Variants in APCDD1 observed in about 807,000 individuals in gnomAD.
APCDD1 encodes protein APCDD1.
APCDD1 carries 15 observed loss-of-function variants against 38.1 expected under a neutral mutation model. The observed-to-expected ratio is 0.39, with a 90% CI of 0.26 to 0.61. APCDD1 has a LOEUF of 0.61. Among genes scored for constraint, APCDD1 ranks in the 20% least tolerant of loss-of-function variants. APCDD1 has a pLI of 0.49. For missense variants in APCDD1, 647 were observed against 696.2 expected, an observed-to-expected ratio of 0.93 and a Z score of 0.79; for synonymous variants, 261 against 279.7, an observed-to-expected ratio of 0.93 and a Z score of 0.67.
chr18:10,460,573 T>C (rs1353658265), intron 1 of APCDD1, among the ~76,000 whole-genome samples: 1 of 152,014 alleles, frequency 6.6e-6, no homozygotes, highest in East Asian at 1.9e-4. Flanking sequence ...AAAAAAACTT[T>C]ATTGAAAAAT....
intron 1 of APCDD1, among the ~76,000 whole-genome samples, chr18:10,455,345 T>A (rs1286913333): frequency 6.6e-6 from 1 of 152,234 alleles, no homozygotes; most frequent in Non-Finnish European, 1.5e-5. Flanking sequence ...TTGCATCCAG[T>A]CCGAGGGAAA....
chr18:10,481,474 A>G (rs569084511), intron 3 of APCDD1, among the ~76,000 whole-genome samples: 1 of 152,262 alleles, frequency 6.6e-6, no homozygotes, highest in South Asian at 2.1e-4. Context: ...CAGATGAGGC[A>G]CCTAGAATAG....
At position 10,476,903 on chromosome 18, in the gene APCDD1, T is replaced by C. The variant is rs768109349; in HGVS notation, c.774+4842T>C. ...CTGGAGCCAGCATATGTTTTTGAGG[T>C]AGCTTGCCTCTCAGAGGCTTTTTAG... On this transcript the variant is annotated intron_variant, in intron 3 of 4. Coordinates refer to ENST00000355285, the MANE Select transcript of APCDD1 (RefSeq NM_153000.5). This position sits in a 1 kb window ranked among gnomAD's most constrained non-coding sequence, Gnocchi z 5.8. The C allele has an allele frequency of 2.6e-5, 4 of 152,194 alleles. No individual in the cohort carries two copies. Among genetic ancestry groups the C allele is most frequent in the Non-Finnish European group, 4.4e-5 (3 of 68,026 alleles). 9.4% of individuals were successfully genotyped at this position (152,194 alleles called of 1,614,324 possible).
chr18:10,454,816 C>A lies in APCDD1; in HGVS notation c.-166C>A. 1.0e-6 allele frequency: 1 copy of A among 986,152 alleles called. No homozygotes were observed. Among genetic ancestry groups the A allele is most frequent in the Non-Finnish European group, 1.2e-6 (1 of 832,116 alleles). The allele number at this position is 986,152 out of a possible 1,614,324, so 61.1% of individuals were successfully genotyped here. Reference sequence around the variant, plus strand: ...GACGGCGCCCAGAGAGCGCGCGCCCCGCAGCCCCGCGCCTAGCCCGCCGGG... The same window carrying A: ...GACGGCGCCCAGAGAGCGCGCGCCCAGCAGCCCCGCGCCTAGCCCGCCGGG... On this transcript the variant is annotated 5_prime_UTR_variant, in exon 1 of 5. Coordinates refer to ENST00000355285, the MANE Select transcript of APCDD1 (RefSeq NM_153000.5).
rs1031584830 is a variant in APCDD1, at chr18:10,455,049, C to G, written c.58+10C>G. ...GCCCTCCTGCTTCACGGTGAGTTCC[C>G]GAGGGCCACTCGAGCGCTCCCAGCC... On this transcript the variant is annotated intron_variant, in intron 1 of 4. Coordinates refer to ENST00000355285, the MANE Select transcript of APCDD1 (RefSeq NM_153000.5). The G allele has an allele frequency of 6.4e-7, 1 of 1,561,304 alleles. No individual in the cohort carries two copies. The highest frequency in any genetic ancestry group is 1.4e-5 in the African/African-American group (1 of 73,464).
intron 1 of APCDD1, among the ~76,000 whole-genome samples, chr18:10,460,782 C>T (rs1289737862): frequency 6.6e-6 from 1 of 152,130 alleles, no homozygotes; most frequent in South Asian, 2.1e-4. Context: ...GTTTGGTTTC[C>T]GGGTACACTG....
chr18:10,486,429 C>T (rs1441498614), intron 4 of APCDD1, among the ~76,000 whole-genome samples: 2 of 152,192 alleles, frequency 1.3e-5, no homozygotes, highest in Non-Finnish European at 2.9e-5. Context: ...CCATGCTGCC[C>T]CTCTAATAAC....
chr18:10,479,297 C>G (rs1331471950), intron 3 of APCDD1, among the ~76,000 whole-genome samples: 1 of 152,192 alleles, frequency 6.6e-6, no homozygotes, highest in African/African-American at 2.4e-5. Flanking sequence ...CCCATTTTTC[C>G]TCCTTCTTGA....
intron 1 of APCDD1, among the ~76,000 whole-genome samples, chr18:10,455,926 C>T (rs1270956228): frequency 6.6e-6 from 1 of 152,116 alleles, no homozygotes; most frequent in African/African-American, 2.4e-5. Context: ...GCAAACTGTC[C>T]CTAATGGTCA....
chr18:10,485,323 G>T lies in APCDD1; in HGVS notation c.775-139G>T. 1 of 900,208 alleles carries T rather than the reference G, an allele frequency of 1.1e-6. No individual in the cohort carries two copies. 55.8% of individuals were successfully genotyped at this position (900,208 alleles called of 1,614,324 possible). ...TCACCTCTGTCTGTGCCCGGAGCAT[G>T]ATTCCAGTTGGTTCTTGGTGTCGAG... is the stretch of plus-strand genomic sequence containing the variant. On this transcript the variant is annotated intron_variant, in intron 3 of 4. Transcript: ENST00000355285. This position sits in a 1 kb window ranked among gnomAD's most constrained non-coding sequence, Gnocchi z 5.8.
chr18:10,478,679 T>C (rs922088529), intron 3 of APCDD1, among the ~76,000 whole-genome samples: 9 of 152,130 alleles, frequency 5.9e-5, no homozygotes, highest in African/African-American at 2.2e-4. Context: ...CCTCCTAATT[T>C]CCTCACATTC....
rs1341354787 is a variant in APCDD1, at chr18:10,472,170, A to C, written c.774+109A>C. On this transcript the variant is annotated intron_variant, in intron 3 of 4. Transcript: ENST00000355285. The surrounding 1 kb of genome is among the most constrained non-coding windows in gnomAD (Gnocchi z 6.6). ...CCCTTGAAAGGGGGAATTCTGCATC[A>C]TGGCGGGGCAGGCCAAGGTGGGGCT... The C allele has an allele frequency of 1.3e-6, 2 of 1,493,440 alleles. No homozygotes were observed. The highest frequency in any genetic ancestry group is 1.8e-6 in the Non-Finnish European group (2 of 1,084,834). The allele number at this position is 1,493,440 out of a possible 1,614,324, so 92.5% of individuals were successfully genotyped here. A position where few individuals can be genotyped will look rare whatever the true frequency, so the allele number is the denominator to read the frequency against.
rs755657503 is a variant in APCDD1 at position 10,468,473 on chromosome 18, G to A, written c.63G>A (p.Leu21=). ...YLFPALLLHG[L]GEGSALLHPD... is the part of the protein sequence containing the mutation. ...CTTTCCACCTTTATTTTTCAGGGCT[G>A]GGAGAGGGTTCTGCCCTCCTTCATC... The change falls in exon 2 of 5, where the codon CTG becomes CTA. Residue 21 remains leucine (L), a synonymous_variant. Coordinates refer to ENST00000355285, the MANE Select transcript of APCDD1 (RefSeq NM_153000.5). 68 of 1,614,198 alleles carry A rather than the reference G, an allele frequency of 4.2e-5. No individual in the cohort carries two copies. The East Asian group carries it at 1.4e-3, about 34-fold the overall frequency.
intron 1 of APCDD1, among the ~76,000 whole-genome samples, chr18:10,460,881 C>T (rs552091322): frequency 1.3e-5 from 2 of 152,322 alleles, no homozygotes; most frequent in Admixed American, 6.5e-5. Flanking sequence ...CCTTTGGAAA[C>T]TATGCCAAGG....
At chr18:10,480,307 A>G (rs1218603039) in intron 3 of APCDD1, among the ~76,000 whole-genome samples, 2 of 152,220 alleles carry the variant, frequency 1.3e-5, no homozygotes, top group East Asian at 1.9e-4. Flanking sequence ...CCATGTATCC[A>G]TCTTGGAAGA....
chr18:10,460,405 T>C (rs1469810254), intron 1 of APCDD1, among the ~76,000 whole-genome samples: 1 of 152,030 alleles, frequency 6.6e-6, no homozygotes. Flanking sequence ...TGGTGGCGCA[T>C]GCCTGTAATT....
In APCDD1 at chr18:10,475,412, G is replaced by T. The variant is rs982343304; in HGVS notation, c.774+3351G>T. Among the ~76,000 whole-genome samples the T allele has an allele frequency of 2.0e-5, 3 of 151,878 alleles. No individual in the cohort carries two copies. The highest frequency in any genetic ancestry group is 6.6e-5 in the Admixed American group (1 of 15,262). ...CTACACGAGACATATTGTTAAGTAG[G>T]AAAAAAGGAAGTTATAAAATAGCGT... is the stretch of plus-strand genomic sequence containing the variant. On this transcript the variant is annotated intron_variant, in intron 3 of 4. Coordinates refer to ENST00000355285, the MANE Select transcript of APCDD1 (RefSeq NM_153000.5). The surrounding 1 kb of genome is among the most constrained non-coding windows in gnomAD (Gnocchi z 4.0).
At chr18:10,455,222 C>A (rs1347445322) in intron 1 of APCDD1, among the ~76,000 whole-genome samples, 183 bp downstream of exon 1, 1 of 152,218 alleles carries the variant, frequency 6.6e-6, no homozygotes, top group Non-Finnish European at 1.5e-5. Flanking sequence ...TGCCCACTTT[C>A]CGAGGCTTGG....
intron 3 of APCDD1, among the ~76,000 whole-genome samples, chr18:10,482,167 C>T (rs968379682): frequency 2.6e-5 from 4 of 152,198 alleles, no homozygotes; most frequent in South Asian, 2.1e-4. Context: ...ACCTTAGAAG[C>T]TCTCTGAGCT....
Sources: gnomAD v4.1 joint callset for allele counts (sites outside exome capture counted in the v4.1 genomes callset) on GRCh38, gnomAD v4.1.1 for gene constraint, Gnocchi (gnomAD v3.1) non-coding constraint, MANE v1.5 for transcripts, NCBI Gene and HGNC (gene_info 2026-07-23, HGNC 2026-07-21) for gene names.